Variants in DFFA observed in about 807,000 individuals in gnomAD.
DFFA encodes the protein DFF45.
DFFA carries 14 observed loss-of-function variants against 28.0 expected under a neutral mutation model. That is an observed-to-expected ratio of 0.50 (90% confidence interval 0.33 to 0.78). The LOEUF is 0.78. Among genes scored for constraint, DFFA ranks in the 30% least tolerant of loss-of-function variants. DFFA has a pLI of 0.02. For synonymous variants in DFFA, 158 were observed against 170.3 expected, an observed-to-expected ratio of 0.93 and a Z score of 0.56; for missense variants, 395 against 407.1, an observed-to-expected ratio of 0.97 and a Z score of 0.26.
intron 2 of DFFA, among the ~76,000 whole-genome samples, chr1:10,468,911 G>A (rs1487895596): frequency 6.6e-6 from 1 of 152,030 alleles, no homozygotes; most frequent in Non-Finnish European, 1.5e-5. Context: ...GCTAGTTTTT[G>A]TATTTTCAGT....
intron 3 of DFFA, among the ~76,000 whole-genome samples, chr1:10,465,093 CATTA>C (rs35526893): frequency 0.41 from 61,556 of 151,538 alleles, 14,009 homozygotes; most frequent in Non-Finnish European, 0.52. Context: ...CTCTATAAAA[CATTA>C]ATTAATTATT....
In DFFA at chr1:10,461,300, G is replaced by T. The variant is rs1315608872; in HGVS notation, c.*190C>A. 1 of 795,852 alleles carries T rather than the reference G, an allele frequency of 1.3e-6. No homozygotes were observed. Among genetic ancestry groups the T allele is most frequent in the South Asian group, 1.9e-5 (1 of 51,308 alleles). The allele number at this position is 795,852 out of a possible 1,614,324, so 49.3% of individuals were successfully genotyped here. ...GCAGCTATATCATTCAAAATTGGCAGAAGTCCTGAAGCTGGTGGGGCTAAA... is the reference window on the plus strand; with the variant it reads ...GCAGCTATATCATTCAAAATTGGCATAAGTCCTGAAGCTGGTGGGGCTAAA... On this transcript the variant is annotated 3_prime_UTR_variant, in exon 6 of 6. Transcript: ENST00000377038.
At chr1:10,464,424 G>C (rs1205665499) in intron 3 of DFFA, among the ~76,000 whole-genome samples, 1 of 152,138 alleles carries the variant, frequency 6.6e-6, no homozygotes, top group Non-Finnish European at 1.5e-5. Context: ...TGTTAAAATT[G>C]GGAAGAAGGG....
chr1:10,463,351 C>T, intron 4 of DFFA, 80 bp downstream of exon 4: 32 of 1,551,028 alleles, frequency 2.1e-5, no homozygotes, highest in Non-Finnish European at 2.4e-5. Flanking sequence ...GCCCTGGCTA[C>T]ATCACAAATA....
rs766502424 is a variant in DFFA at position 10,463,046 on chromosome 1, G to A, written c.783+12C>T. On this transcript the variant is annotated intron_variant, in intron 5 of 5. Coordinates refer to ENST00000377038, the MANE Select transcript of DFFA (RefSeq NM_004401.3). The stretch of plus-strand genomic sequence containing the variant: ...CCTCCTCTGTAGCTCAGTGACCCTG[G>A]TTTCCGCCCACCTCCAAATCCTGAC... 15 of 1,614,026 alleles carry A rather than the reference G, an allele frequency of 9.3e-6. No individual in the cohort carries two copies. Among genetic ancestry groups the A allele is most frequent in the African/African-American group, 1.3e-5 (1 of 75,012 alleles).
At chr1:10,467,160 C>T (rs1304974466) in intron 3 of DFFA, 30 bp downstream of exon 3, 4 of 1,612,448 alleles carry the variant, frequency 2.5e-6, no homozygotes, top group South Asian at 1.1e-5. Context: ...GCTGGATGAA[C>T]ATTGTTGCAG....
rs1192918909 is a variant in DFFA at position 10,472,386 on chromosome 1, G to C, written c.73C>G (p.Arg25Gly). 6.2e-7 allele frequency: 1 copy of C among 1,612,318 alleles called. No individual in the cohort carries two copies. The highest frequency in any genetic ancestry group is 1.3e-5 in the African/African-American group (1 of 74,868). The change falls in exon 1 of 6, where the codon CGC (arginine) becomes GGC (glycine). Residue 25 changes from arginine (R) to glycine (G), a missense_variant. Physicochemically the swap from Arg to Gly is moderately radical, Grantham distance 125. Coordinates refer to ENST00000377038, the MANE Select transcript of DFFA (RefSeq NM_004401.3). This position sits in a 1 kb window ranked among gnomAD's most constrained non-coding sequence, Gnocchi z 5.0. ...IRTLKPCLLR[R>G]NYSREQHGVA... ...CCGTGCTGTTCGCGGCTGTAGTTGC[G>C]GCGCAGCAGACACGGCTTTAGAGTC...
At chr1:10,471,487 A>G (rs1641098013) in intron 1 of DFFA, among the ~76,000 whole-genome samples, 1 of 152,180 alleles carries the variant, frequency 6.6e-6, no homozygotes, top group Non-Finnish European at 1.5e-5. Context: ...CCATGTTACC[A>G]AAGCATTTAT....
chr1:10,472,232 A>C lies in DFFA; in HGVS notation c.136+91T>G. Reference sequence around the variant, plus strand: ...CTCCACCCGAGATACAAGAATCCCCAAGTCGCCTCTCCTGACCCCGCCTCG... The same window carrying C: ...CTCCACCCGAGATACAAGAATCCCCCAGTCGCCTCTCCTGACCCCGCCTCG... On this transcript the variant is annotated intron_variant, in intron 1 of 5. Coordinates refer to ENST00000377038, the MANE Select transcript of DFFA (RefSeq NM_004401.3). This position sits in a 1 kb window ranked among gnomAD's most constrained non-coding sequence, Gnocchi z 5.0. 1.4e-6 allele frequency: 2 copies of C among 1,430,090 alleles called. No homozygotes were observed. The highest frequency in any genetic ancestry group is 1.9e-6 in the Non-Finnish European group (2 of 1,077,236). 88.6% of individuals were successfully genotyped at this position (1,430,090 alleles called of 1,614,324 possible).
At chr1:10,465,623 C>T (rs1275681076) in intron 3 of DFFA, among the ~76,000 whole-genome samples, 3 of 151,878 alleles carry the variant, frequency 2.0e-5, no homozygotes, top group Non-Finnish European at 4.4e-5. Context: ...GATCTCTTGA[C>T]ATCGTGATCT....
chr1:10,466,370 T>C (rs1158192074), intron 3 of DFFA, among the ~76,000 whole-genome samples: 1 of 151,910 alleles, frequency 6.6e-6, no homozygotes, highest in African/African-American at 2.4e-5. Flanking sequence ...TTTGTATTTT[T>C]AGTAGAGATG....
chr1:10,468,404 C>T (rs1641050582), intron 2 of DFFA, among the ~76,000 whole-genome samples: 1 of 150,804 alleles, frequency 6.6e-6, no homozygotes, highest in Non-Finnish European at 1.5e-5. Context: ...AGGTTCGTAA[C>T]ATCTAGGATG....
Position 10,463,604 on chromosome 1 carries a change from G to A in DFFA, c.458C>T (p.Pro153Leu). Reference sequence around the variant, plus strand: ...TAGTTCCTGAGCCAGGTCTGAGCAGGGAGCGTCAACAAGCATCTAACAAAC... The same window carrying A: ...TAGTTCCTGAGCCAGGTCTGAGCAGAGAGCGTCAACAAGCATCTAACAAAC... ...EEDLQMLVDA[P>L]CSDLAQELRQ... is the part of the protein sequence containing the mutation. The change falls in exon 4 of 6, where the codon CCC (proline) becomes CTC (leucine). Residue 153 changes from proline (P) to leucine (L), a missense_variant. Coordinates refer to ENST00000377038, the MANE Select transcript of DFFA (RefSeq NM_004401.3). 1 of 1,612,182 alleles carries A rather than the reference G, an allele frequency of 6.2e-7. No individual in the cohort carries two copies. The highest frequency in any genetic ancestry group is 8.5e-7 in the Non-Finnish European group (1 of 1,179,516).
intron 5 of DFFA, 142 bp downstream of exon 5, chr1:10,462,916 C>G: frequency 1.4e-6 from 2 of 1,471,912 alleles, no homozygotes; most frequent in Non-Finnish European, 1.8e-6. Context: ...TTTGCAAATG[C>G]CTTGGCATAT....
In DFFA at chr1:10,458,903, A is replaced by C. The variant is rs891900113; in HGVS notation, c.*2587T>G. On this transcript the variant is annotated 3_prime_UTR_variant, in exon 6 of 6. Transcript: ENST00000377038. ...AGTGTCTCACTCTGTTGCAGGCTGG[A>C]GTACAGTGGCACAATTTCGGCTCAC... is the stretch of plus-strand genomic sequence containing the variant. 6 of 150,428 alleles carry C rather than the reference A, an allele frequency of 4.0e-5. No homozygotes were observed. In the East Asian group the frequency reaches 1.2e-3, roughly 29 times the overall value. The allele number at this position is 150,428 out of a possible 1,614,324, so 9.3% of individuals were successfully genotyped here.
rs1453825043 is a variant in DFFA, at chr1:10,458,391, G to A, written c.*3099C>T. 1 of 152,094 alleles carries A rather than the reference G, an allele frequency of 6.6e-6. No homozygotes were observed. Among genetic ancestry groups the A allele is most frequent in the Non-Finnish European group, 1.5e-5 (1 of 68,022 alleles). The allele number at this position is 152,094 out of a possible 1,614,324, so 9.4% of individuals were successfully genotyped here. ...TAAGCTATAAAAAAGGAAATGTTGG[G>A]GTGAGAGCCAATGGAGGGCATTAGT... On this transcript the variant is annotated 3_prime_UTR_variant, in exon 6 of 6. Transcript: ENST00000377038.
chr1:10,461,899 G>A (rs1640947755), intron 5 of DFFA, 197 bp from the exon 6 acceptor site: 2 of 977,628 alleles, frequency 2.0e-6, no homozygotes, highest in Non-Finnish European at 2.4e-6. Flanking sequence ...CTGTCACCCA[G>A]GCTGGAGTGC....
intron 1 of DFFA, among the ~76,000 whole-genome samples, chr1:10,471,078 A>G (rs943105882): frequency 1.3e-5 from 2 of 151,520 alleles, no homozygotes; most frequent in African/African-American, 4.8e-5. Flanking sequence ...AAAAAAAAAA[A>G]AAAGAAAATG....
rs1160312130 is a variant in DFFA, at chr1:10,462,731, A to G, written c.783+327T>C. The G allele has an allele frequency of 4.3e-6, 5 of 1,159,182 alleles. No individual in the cohort carries two copies. The African/African-American group carries it at 6.2e-5, about 14-fold the overall frequency. 71.8% of individuals were successfully genotyped at this position (1,159,182 alleles called of 1,614,324 possible). ...ATTGACAGACCTCAGGACGGACTAT[A>G]GATCTTCTCTGACCATGGAAAGACC... On this transcript the variant is annotated intron_variant, in intron 5 of 5. Coordinates refer to ENST00000377038, the MANE Select transcript of DFFA (RefSeq NM_004401.3).
Sources: gnomAD v4.1 joint callset for allele counts (sites outside exome capture counted in the v4.1 genomes callset) on GRCh38, gnomAD v4.1.1 for gene constraint, Gnocchi (gnomAD v3.1) non-coding constraint, MANE v1.5 for transcripts, NCBI Gene and HGNC (gene_info 2026-07-23, HGNC 2026-07-21) for gene names.